Variants in ASAP2 observed in about 807,000 individuals in gnomAD.
The protein encoded by ASAP2 is ArfGAP with SH3 domain, ankyrin repeat and PH domain 2, also known as arf-GAP with SH3 domain, ANK repeat and PH domain-containing protein 2.
In ASAP2, 45 loss-of-function variants were observed where a neutral mutation model predicts 131.4. The observed-to-expected ratio is 0.34, with a 90% CI of 0.27 to 0.44. ASAP2 has a LOEUF of 0.44. Ranked by LOEUF, ASAP2 falls within the 20% of genes least tolerant of loss-of-function variation. The pLI, the probability that ASAP2 is intolerant of heterozygous loss-of-function variation, is 1.00. For synonymous variants in ASAP2, 510 were observed against 503.0 expected (o/e 1.01, Z -0.19); for missense variants, 1,011 against 1,297.0 (o/e 0.78, Z 3.39).
At chr2:9,361,440 C>A (rs113771291) in intron 15 of ASAP2, among the ~76,000 whole-genome samples, 2 of 152,166 alleles carry the variant, frequency 1.3e-5, no homozygotes, top group Non-Finnish European at 2.9e-5. Context: ...TATTCCTTAG[C>A]CCTTCAGTTA....
chr2:9,367,879 C>G (rs1282660287), intron 15 of ASAP2, among the ~76,000 whole-genome samples: 2 of 152,132 alleles, frequency 1.3e-5, no homozygotes, highest in African/African-American at 4.8e-5. Flanking sequence ...CTGTTTTCAC[C>G]TAAATTTTAT....
In ASAP2 at chr2:9,207,085, A is replaced by C. The variant is rs749286096; in HGVS notation, c.-20A>C. The C allele has an allele frequency of 3.2e-6, 5 of 1,550,476 alleles. No individual in the cohort carries two copies. The highest frequency in any genetic ancestry group is 4.4e-6 in the Non-Finnish European group (5 of 1,148,380). On this transcript the variant is annotated 5_prime_UTR_variant, in exon 1 of 28. Transcript: ENST00000281419. This position sits in a 1 kb window ranked among gnomAD's most constrained non-coding sequence, Gnocchi z 4.1. ...GGCGGCGCCCCTGCGGCTGTGCGCC[A>C]GCGCCCTCGCGCCGAGGCGATGCCG...
chr2:9,239,636 CA>C (rs1663801096), intron 1 of ASAP2, among the ~76,000 whole-genome samples: 1 of 152,122 alleles, frequency 6.6e-6, no homozygotes, highest in African/African-American at 2.4e-5. Flanking sequence ...AACCGAGCAC[CA>C]TTTATGTGCC....
At chr2:9,225,495 G>T (rs1662695877) in intron 1 of ASAP2, among the ~76,000 whole-genome samples, 1 of 152,162 alleles carries the variant, frequency 6.6e-6, no homozygotes, top group African/African-American at 2.4e-5. Context: ...TTTCCTCTGT[G>T]GTCCCGATTT....
chr2:9,388,512 C>T lies in ASAP2; in HGVS notation c.2349C>T (p.Ser783=), dbSNP rs201225397. The T allele has an allele frequency of 1.2e-5, 20 of 1,613,258 alleles. No individual in the cohort carries two copies. Among genetic ancestry groups the T allele is most frequent in the African/African-American group, 1.1e-4 (8 of 74,862 alleles). The change falls in exon 22 of 28, where the codon AGC becomes AGT. Residue 783 remains serine (S), a synonymous_variant. Coordinates refer to ENST00000281419, the MANE Select transcript of ASAP2 (RefSeq NM_003887.3). ...PAQPAAPSTT[S]APPLPPRNVG... Reference sequence around the variant, plus strand: ...AGCCTGCAGCCCCCAGCACCACCAGCGCCCCCCCGCTTCCTCCACGGAATG... The same window carrying T: ...AGCCTGCAGCCCCCAGCACCACCAGTGCCCCCCCGCTTCCTCCACGGAATG...
chr2:9,255,694 C>T (rs75321088), intron 1 of ASAP2, among the ~76,000 whole-genome samples: 1,808 of 152,314 alleles, frequency 0.012, 24 homozygotes, highest in African/African-American at 0.041. Context: ...CTGGTGCCAG[C>T]ACCATGTGGT....
At chr2:9,257,595 G>T (rs1317060837) in intron 1 of ASAP2, among the ~76,000 whole-genome samples, 1 of 152,102 alleles carries the variant, frequency 6.6e-6, no homozygotes. Context: ...CTCCATTCAC[G>T]TCAACCTTCG....
intron 3 of ASAP2, among the ~76,000 whole-genome samples, chr2:9,305,524 T>G (rs1256926506): frequency 8.0e-6 from 1 of 124,638 alleles, no homozygotes; most frequent in African/African-American, 3.0e-5. Flanking sequence ...TAGATATTGG[T>G]GGAGGGGCTG....
intron 2 of ASAP2, among the ~76,000 whole-genome samples, chr2:9,283,567 A>G (rs931465495): frequency 6.6e-6 from 1 of 152,144 alleles, no homozygotes; most frequent in Admixed American, 6.5e-5. Flanking sequence ...TTCCATCTTC[A>G]AAGCTGGTCA....
chr2:9,234,600 T>A (rs1328465715), intron 1 of ASAP2, among the ~76,000 whole-genome samples: 2 of 152,146 alleles, frequency 1.3e-5, no homozygotes, highest in African/African-American at 4.8e-5. Flanking sequence ...CCTGGGGAAG[T>A]GGGCACTATC....
chr2:9,264,259 A>G (rs1665787895), intron 1 of ASAP2, among the ~76,000 whole-genome samples: 1 of 152,144 alleles, frequency 6.6e-6, no homozygotes, highest in South Asian at 2.1e-4. Context: ...TGCAGAAACA[A>G]CTTGTGGGGA....
chr2:9,271,582 G>C (rs1363092901), intron 1 of ASAP2: 1 of 1,502,914 alleles, frequency 6.7e-7, no homozygotes, highest in Non-Finnish European at 9.1e-7. Context: ...ACCCTTACTT[G>C]CATCAGCAAA....
In ASAP2 at chr2:9,241,259, A is replaced by G. The variant is rs528979930; in HGVS notation, c.126+34029A>G. ...GTGTGCTGGAAGATATTTTGTCAGT[A>G]TTAAGTAATGCTGCAGAATTTTGGT... On this transcript the variant is annotated intron_variant, in intron 1 of 27. Transcript: ENST00000281419. Among the ~76,000 whole-genome samples the G allele has an allele frequency of 3.3e-5, 5 of 152,342 alleles. No homozygotes were observed. The South Asian group carries it at 1.0e-3, about 32-fold the overall frequency.
chr2:9,236,925 TC>T (rs531278888), intron 1 of ASAP2, among the ~76,000 whole-genome samples: 2 of 152,034 alleles, frequency 1.3e-5, no homozygotes, highest in East Asian at 1.9e-4. Context: ...GTCAGAAAGA[TC>T]CCCCCCGAGG....
rs1274729514 is a variant in ASAP2, at chr2:9,405,424, C to T, written c.*2097C>T. Reference sequence around the variant, plus strand: ...TGATGGCTCAGAACATGTACACAGACTAAGAGTAACTGTGTGATCTGTTAA... The same window carrying T: ...TGATGGCTCAGAACATGTACACAGATTAAGAGTAACTGTGTGATCTGTTAA... On this transcript the variant is annotated 3_prime_UTR_variant, in exon 28 of 28. Transcript: ENST00000281419. The T allele has an allele frequency of 1.3e-5, 2 of 152,716 alleles. No individual in the cohort carries two copies. The highest frequency in any genetic ancestry group is 4.1e-4 in the South Asian group (2 of 4,828). The allele number at this position is 152,716 out of a possible 1,614,324, so 9.5% of individuals were successfully genotyped here. A position where few individuals can be genotyped will look rare whatever the true frequency, so the allele number is the denominator to read the frequency against.
rs1468982302 is a variant in ASAP2 at position 9,392,892 on chromosome 2, T to TA, written c.2519-589dup. Among the ~76,000 whole-genome samples the TA allele has an allele frequency of 6.6e-6, 1 of 152,174 alleles. No homozygotes were observed. The highest frequency in any genetic ancestry group is 1.5e-5 in the Non-Finnish European group (1 of 68,026). On this transcript the variant is annotated intron_variant, in intron 23 of 27. Transcript: ENST00000281419. The surrounding 1 kb of genome is among the most constrained non-coding windows in gnomAD (Gnocchi z 4.0). ...GGACTCACAGCCTCCCTCCAGGTCT[T>TA]ACCAGCTCTGCCACCCTTGACGAGA...
At position 9,350,730 on chromosome 2, in the gene ASAP2, G is replaced by T. The variant is rs1266713410; in HGVS notation, c.1024-78G>T. The stretch of plus-strand genomic sequence containing the variant: ...GAAGAGCTTGCTGTTGCTGTATCTC[G>T]TGAGGATTGATACTGTATGATTTTC... On this transcript the variant is annotated intron_variant, in intron 11 of 27. Transcript: ENST00000281419. 6 of 1,241,160 alleles carry T rather than the reference G, an allele frequency of 4.8e-6. No homozygotes were observed. The East Asian group carries it at 1.4e-4, about 30-fold the overall frequency. 76.9% of individuals were successfully genotyped at this position (1,241,160 alleles called of 1,614,324 possible). A position where few individuals can be genotyped will look rare whatever the true frequency, so the allele number is the denominator to read the frequency against.
chr2:9,336,406 A>G (rs773592560), intron 9 of ASAP2, among the ~76,000 whole-genome samples: 1 of 151,930 alleles, frequency 6.6e-6, no homozygotes, highest in African/African-American at 2.4e-5. Context: ...ATCTGAGTTC[A>G]CAGAGCACAT....
At chr2:9,296,041 T>C (rs1310738136) in intron 2 of ASAP2, among the ~76,000 whole-genome samples, 1 of 152,188 alleles carries the variant, frequency 6.6e-6, no homozygotes, top group Non-Finnish European at 1.5e-5. Flanking sequence ...ATTCGGGAGC[T>C]ACAGAGGGGC....
Sources: allele counts gnomAD v4.1 joint callset (sites outside exome capture counted in the v4.1 genomes callset), GRCh38; gene constraint gnomAD v4.1.1; non-coding constraint Gnocchi (gnomAD v3.1); transcripts MANE v1.5; gene names NCBI Gene and HGNC (gene_info 2026-07-23, HGNC 2026-07-21).